Variants in PKHD1 observed in about 807,000 individuals in gnomAD.
PKHD1 encodes the protein fibrocystin.
PKHD1 carries 291 observed loss-of-function variants against 412.0 expected under a neutral mutation model. That is an observed-to-expected ratio of 0.71 (90% confidence interval 0.64 to 0.78). The LOEUF is 0.78. PKHD1 is among the 30% of genes least tolerant of loss of function. PKHD1 has a pLI of 0.00. For missense variants in PKHD1, 4,825 were observed against 4,950.7 expected, an observed-to-expected ratio of 0.97 and a Z score of 0.76; for synonymous variants, 1,777 against 1,821.5, an observed-to-expected ratio of 0.98 and a Z score of 0.62.
intron 35 of PKHD1, among the ~76,000 whole-genome samples, chr6:51,997,313 C>T (rs1334823840): frequency 6.6e-6 from 1 of 152,156 alleles, no homozygotes; most frequent in African/African-American, 2.4e-5. Flanking sequence ...TCCTATGACT[C>T]CTTAGTTTTC....
chr6:51,937,045 T>C (rs963858047), intron 36 of PKHD1, among the ~76,000 whole-genome samples: 4 of 152,218 alleles, frequency 2.6e-5, no homozygotes, highest in African/African-American at 9.6e-5. Context: ...TTACAGTCTA[T>C]TCTCTCTGAA....
intron 11 of PKHD1, among the ~76,000 whole-genome samples, chr6:52,069,198 C>T (rs1582083237): frequency 6.6e-6 from 1 of 152,184 alleles, no homozygotes; most frequent in East Asian, 1.9e-4. Flanking sequence ...CAGAATAAGG[C>T]AAGACTCTCC....
intron 36 of PKHD1, among the ~76,000 whole-genome samples, chr6:51,959,579 T>C (rs1351160723): frequency 6.6e-6 from 1 of 152,108 alleles, no homozygotes; most frequent in Admixed American, 6.6e-5. Context: ...TGGATAAGCA[T>C]GACTAAAAAG....
intron 52 of PKHD1, among the ~76,000 whole-genome samples, chr6:51,823,364 C>T (rs1766781548): frequency 6.6e-6 from 1 of 152,166 alleles, no homozygotes. Context: ...GTGTGCCCCT[C>T]CTAGAAAATT....
intron 23 of PKHD1, 149 bp downstream of exon 23, chr6:52,048,343 T>A (rs1220928132): frequency 2.3e-6 from 2 of 876,016 alleles, no homozygotes; most frequent in South Asian, 1.4e-5. Context: ...AATCTTTCAC[T>A]TTAAGAATGT....
chr6:51,879,037 C>A (rs1366541363), intron 46 of PKHD1, among the ~76,000 whole-genome samples: 4 of 89,224 alleles, frequency 4.5e-5, no homozygotes, highest in Non-Finnish European at 6.0e-5. Flanking sequence ...GAATAAAATA[C>A]CTAGGAATCC....
Position 51,992,501 on chromosome 6 carries a change from G to C in PKHD1, c.5751+17808C>G, listed in dbSNP as rs369329379. 2.4e-4 allele frequency among the ~76,000 whole-genome samples: 37 copies of C among 152,292 alleles called. 2 individuals carry two copies. The South Asian group carries it at 7.5e-3, about 31-fold the overall frequency. ...ATTCAGTGGTGCCTGGATTTGAAAG[G>C]GTGCAGTATGAAGATGAGTTTAAAC... On this transcript the variant is annotated intron_variant, in intron 35 of 66. Coordinates refer to ENST00000371117, the MANE Select transcript of PKHD1 (RefSeq NM_138694.4).
chr6:51,926,588 T>C (rs774171097), intron 37 of PKHD1, among the ~76,000 whole-genome samples: 8 of 152,184 alleles, frequency 5.3e-5, no homozygotes, highest in Admixed American at 2.6e-4. Flanking sequence ...AGTATACATT[T>C]ACATGCAAAC....
chr6:52,012,982 T>C (rs1335660197), intron 34 of PKHD1, among the ~76,000 whole-genome samples: 3 of 152,206 alleles, frequency 2.0e-5, no homozygotes, highest in African/African-American at 7.2e-5. Context: ...CTCCTCTTTT[T>C]TTTAGGTTCA....
rs1786344892 is a variant in PKHD1, at chr6:51,752,995, G to C, written c.8950+206C>G. Among the ~76,000 whole-genome samples, 3 of 152,248 alleles carry C rather than the reference G, an allele frequency of 2.0e-5. No homozygotes were observed. In the South Asian group the frequency reaches 6.2e-4, roughly 32 times the overall value. On this transcript the variant is annotated intron_variant, in intron 57 of 66. Transcript: ENST00000371117. Reference sequence around the variant, plus strand: ...TCTTTGAGGTAAAATGTGCATATGTGCTGACCACTAGTATATTATTTTAAC... The same window carrying C: ...TCTTTGAGGTAAAATGTGCATATGTCCTGACCACTAGTATATTATTTTAAC...
In PKHD1 at chr6:51,834,457, C is replaced by T. The variant is rs62464082; in HGVS notation, c.8173+1947G>A. 7.4e-3 allele frequency among the ~76,000 whole-genome samples: 1,129 copies of T among 151,784 alleles called. 5 individuals carry two copies. Among genetic ancestry groups the T allele is most frequent in the Non-Finnish European group, 0.011 (731 of 67,938 alleles). ...TATTACATACTCATATCGGTTAACACATAGATAGATGGTTAACTCATTCAA... is the reference window on the plus strand; with the variant it reads ...TATTACATACTCATATCGGTTAACATATAGATAGATGGTTAACTCATTCAA... On this transcript the variant is annotated intron_variant, in intron 51 of 66. Coordinates refer to ENST00000371117, the MANE Select transcript of PKHD1 (RefSeq NM_138694.4).
At chr6:51,772,879 C>A (rs1790391294) in intron 54 of PKHD1, 90 bp from the exon 55 acceptor site, 1 of 774,336 alleles carries the variant, frequency 1.3e-6, no homozygotes, top group Middle Eastern at 2.3e-4. Context: ...GGCTGTTGTG[C>A]AAAACATGTG....
rs568620074 is a variant in PKHD1, at chr6:51,907,938, C to A, written c.6682+1345G>T. Among the ~76,000 whole-genome samples the A allele has an allele frequency of 6.6e-5, 10 of 152,194 alleles. No homozygotes were observed. In the East Asian group the frequency reaches 1.4e-3, roughly 21 times the overall value. ...ATAAAAATAGATGAGTGTGCAGCTA[C>A]TCTGATTGAAACAGAGGTGGGAGAG... is the stretch of plus-strand genomic sequence containing the variant. On this transcript the variant is annotated intron_variant, in intron 40 of 66. Coordinates refer to ENST00000371117, the MANE Select transcript of PKHD1 (RefSeq NM_138694.4).
Position 51,922,280 on chromosome 6 carries a change from A to G in PKHD1, c.6122-9704T>C, listed in dbSNP as rs540145203. ...GAGGCTGAAGAACAGCAAATATTGC[A>G]GAACAGCAAATGTTGCTGCCTGATC... On this transcript the variant is annotated intron_variant, in intron 37 of 66. Transcript: ENST00000371117. 3.3e-5 allele frequency among the ~76,000 whole-genome samples: 5 copies of G among 152,356 alleles called. No homozygotes were observed. The South Asian group carries it at 1.0e-3, about 32-fold the overall frequency.
intron 33 of PKHD1, among the ~76,000 whole-genome samples, chr6:52,020,898 A>G (rs1000910761): frequency 9.0e-6 from 1 of 111,036 alleles, no homozygotes; most frequent in African/African-American, 3.3e-5. Context: ...TGTCCATTAT[A>G]GACCTACTTC....
At chr6:51,984,013 T>C (rs777730562) in intron 35 of PKHD1, among the ~76,000 whole-genome samples, 13 of 152,272 alleles carry the variant, frequency 8.5e-5, no homozygotes, top group Non-Finnish European at 1.5e-5. Flanking sequence ...AGGAGAATGT[T>C]AATGAAGTTC....
Position 51,638,781 on chromosome 6 carries a change from G to C in PKHD1, c.11506+68C>G, listed in dbSNP as rs997967878. 5 of 925,758 alleles carry C rather than the reference G, an allele frequency of 5.4e-6. No homozygotes were observed. The African/African-American group carries it at 5.6e-5, about 10-fold the overall frequency. 57.3% of individuals were successfully genotyped at this position (925,758 alleles called of 1,614,324 possible). A position where few individuals can be genotyped will look rare whatever the true frequency, so the allele number is the denominator to read the frequency against. Reference sequence around the variant, plus strand: ...GATAGTAGCTATTCCCACTATAAGGGAGAAAGGATTATCTTCTCAAAAAAA... The same window carrying C: ...GATAGTAGCTATTCCCACTATAAGGCAGAAAGGATTATCTTCTCAAAAAAA... On this transcript the variant is annotated intron_variant, in intron 64 of 66. Coordinates refer to ENST00000371117, the MANE Select transcript of PKHD1 (RefSeq NM_138694.4).
At chr6:51,807,157 G>A (rs1763901116) in intron 52 of PKHD1, among the ~76,000 whole-genome samples, 1 of 151,690 alleles carries the variant, frequency 6.6e-6, no homozygotes. Flanking sequence ...GCCAGGCATG[G>A]TGACTCATGC....
chr6:51,725,410 G>A (rs542231217), intron 60 of PKHD1, among the ~76,000 whole-genome samples: 1 of 152,314 alleles, frequency 6.6e-6, no homozygotes, highest in South Asian at 2.1e-4. Context: ...TTTTGGAAGA[G>A]ATGTGTTTCA....
Sources: allele counts gnomAD v4.1 joint callset (sites outside exome capture counted in the v4.1 genomes callset), GRCh38; gene constraint gnomAD v4.1.1; transcripts MANE v1.5; gene names NCBI Gene and HGNC (gene_info 2026-07-23, HGNC 2026-07-21).